Variants in NOX3 observed in about 807,000 individuals in gnomAD.
NOX3 encodes the protein NADPH oxidase 3, also known as NADPH oxidase catalytic subunit-like 3.
In NOX3, 74 loss-of-function variants were observed where a neutral mutation model predicts 76.7. The observed-to-expected ratio is 0.96, with a 90% CI of 0.80 to 1.17. The LOEUF (loss-of-function observed/expected upper bound fraction) is 1.17. Ranked by LOEUF, NOX3 falls within the 50% of genes most tolerant of loss-of-function variation. NOX3 has a pLI of 0.00. For synonymous variants in NOX3, 263 were observed against 261.1 expected (o/e 1.01, Z -0.07); for missense variants, 695 against 703.3 (o/e 0.99, Z 0.13).
rs149564043 is a variant in NOX3, at chr6:155,441,371, T to G, written c.487-1234A>C. Among the ~76,000 whole-genome samples the G allele has an allele frequency of 2.1e-3, 327 of 152,356 alleles. 1 individual carries two copies. The highest frequency in any genetic ancestry group is 3.4e-3 in the Non-Finnish European group (231 of 68,038). ...GGGTATGTCTCAAACATTTAAAATATTTTCTTCTCAAGTACCTTCAGGCAT... is the reference window on the plus strand; with the variant it reads ...GGGTATGTCTCAAACATTTAAAATAGTTTCTTCTCAAGTACCTTCAGGCAT... On this transcript the variant is annotated intron_variant, in intron 5 of 13. Transcript: ENST00000159060.
intron 12 of NOX3, among the ~76,000 whole-genome samples, chr6:155,405,974 C>T (rs1401621171): frequency 6.6e-6 from 1 of 152,200 alleles, no homozygotes; most frequent in Non-Finnish European, 1.5e-5. Context: ...TACAGCATGG[C>T]TCTTGCTGCT....
rs73584271 is a variant in NOX3 at position 155,398,285 on chromosome 6, C to T, written c.1581-1323G>A. On this transcript the variant is annotated intron_variant, in intron 12 of 13. Coordinates refer to ENST00000159060, the MANE Select transcript of NOX3 (RefSeq NM_015718.3). ...CTCGGGTGGTGTTGAGGCAGATCGC[C>T]CTGTGAGCCTCACTTTGAGAAACAC... 8.5e-3 allele frequency among the ~76,000 whole-genome samples: 1,205 copies of T among 141,082 alleles called. 16 individuals are homozygous for T. The highest frequency in any genetic ancestry group is 0.03 in the African/African-American group (1,150 of 38,240). The allele number at this position is 141,082 out of a possible 152,430, so 92.6% of individuals were successfully genotyped here.
intron 6 of NOX3, among the ~76,000 whole-genome samples, chr6:155,438,099 G>A (rs974512333): frequency 3.9e-5 from 6 of 152,098 alleles, no homozygotes; most frequent in South Asian, 2.1e-4. Context: ...TGTGGGGGAC[G>A]TATGTTTAGG....
At chr6:155,421,369 T>C (rs1427078990) in intron 10 of NOX3, among the ~76,000 whole-genome samples, 1 of 152,212 alleles carries the variant, frequency 6.6e-6, no homozygotes, top group Non-Finnish European at 1.5e-5. Flanking sequence ...GTCAAGGACC[T>C]GTCACTTGGA....
intron 4 of NOX3, among the ~76,000 whole-genome samples, chr6:155,447,112 C>G (rs1166302584): frequency 6.6e-6 from 1 of 150,700 alleles, no homozygotes; most frequent in Non-Finnish European, 1.5e-5. Flanking sequence ...ATGGCGCGAT[C>G]TCAGCTAACT....
At chr6:155,407,810 A>G (rs1776483862) in intron 11 of NOX3, among the ~76,000 whole-genome samples, 1 of 152,040 alleles carries the variant, frequency 6.6e-6, no homozygotes, top group African/African-American at 2.4e-5. Context: ...TGGCAGGCGG[A>G]AAATGGTGGC....
At chr6:155,431,012 A>G (rs1776825886) in intron 7 of NOX3, 77 bp from the exon 8 acceptor site, 3 of 901,102 alleles carry the variant, frequency 3.3e-6, no homozygotes, top group East Asian at 2.5e-5. Context: ...AACCAAATCA[A>G]TATACAACAT....
At chr6:155,453,379 C>T (rs368217945) in intron 4 of NOX3, 25 bp downstream of exon 4, 110 of 1,513,706 alleles carry the variant, frequency 7.3e-5, no homozygotes, top group Non-Finnish European at 9.6e-5. Flanking sequence ...TTGTAAAATC[C>T]ATTGAGCAAT....
At chr6:155,443,897 A>G (rs894583189) in intron 4 of NOX3, among the ~76,000 whole-genome samples, 12 of 150,302 alleles carry the variant, frequency 8.0e-5, no homozygotes, top group African/African-American at 2.9e-4. Context: ...TCAGTTCATC[A>G]TAATTTAAAG....
At chr6:155,450,495 C>G (rs1284881453) in intron 4 of NOX3, among the ~76,000 whole-genome samples, 2 of 152,184 alleles carry the variant, frequency 1.3e-5, no homozygotes, top group African/African-American at 4.8e-5. Context: ...TCTTGAGGAC[C>G]TCCTGTGCGC....
chr6:155,450,133 T>C (rs2114709861), intron 4 of NOX3, among the ~76,000 whole-genome samples: 1 of 152,248 alleles, frequency 6.6e-6, no homozygotes, highest in East Asian at 1.9e-4. Flanking sequence ...TTGCTCTGGG[T>C]TGCAGTTCTG....
intron 5 of NOX3, among the ~76,000 whole-genome samples, chr6:155,442,961 T>A (rs1777013026): frequency 1.3e-5 from 2 of 152,152 alleles, no homozygotes. Flanking sequence ...AAATATCTAA[T>A]CCTGAACTGC....
At chr6:155,427,028 T>TGTGTGTGTGCGCGC (rs796489805) in intron 9 of NOX3, among the ~76,000 whole-genome samples, 5 of 121,792 alleles carry the variant, frequency 4.1e-5, no homozygotes, top group African/African-American at 9.9e-5. Context: ...TGTGTGTGTG[T>TGTGTGTGTGCGCGC]GCTGGGGGGG....
At chr6:155,430,680 T>C (rs231956) in intron 8 of NOX3, among the ~76,000 whole-genome samples, 163 bp downstream of exon 8, 73,112 of 151,698 alleles carry the variant, frequency 0.48, 18,026 homozygotes, top group Admixed American at 0.52. Flanking sequence ...GCAAAATTAG[T>C]CACACTAAAA....
chr6:155,429,705 C>T (rs1460103970), intron 8 of NOX3, among the ~76,000 whole-genome samples: 1 of 152,044 alleles, frequency 6.6e-6, no homozygotes, highest in East Asian at 1.9e-4. Flanking sequence ...GCTAATTTCC[C>T]TTCTTAGATT....
At chr6:155,424,335 C>T (rs1472832926) in intron 9 of NOX3, among the ~76,000 whole-genome samples, 4 of 152,108 alleles carry the variant, frequency 2.6e-5, no homozygotes, top group South Asian at 2.1e-4. Flanking sequence ...CCCAGCACTC[C>T]CTGACATGAA....
Position 155,422,829 on chromosome 6 carries a change from A to G in NOX3, c.1173T>C (p.Thr391=), listed in dbSNP as rs1768871247. The change falls in exon 10 of 14, where the codon ACT becomes ACC. Residue 391 remains threonine, a synonymous_variant. Transcript: ENST00000159060. ...GGTAGTGAAATACATCTGTCAGGGCAGTTCCAAAGGGCCCGTCCACTGCCA... is the reference window on the plus strand; with the variant it reads ...GGTAGTGAAATACATCTGTCAGGGCGGTTCCAAAGGGCCCGTCCACTGCCA... ...PRLAVDGPFG[T]ALTDVFHYPV... is the part of the protein sequence containing the mutation. 1 of 1,614,108 alleles carries G rather than the reference A, an allele frequency of 6.2e-7. No homozygotes were observed. The highest frequency in any genetic ancestry group is 1.3e-5 in the African/African-American group (1 of 74,952).
intron 12 of NOX3, among the ~76,000 whole-genome samples, chr6:155,399,930 G>C (rs867582694): frequency 6.6e-5 from 10 of 152,316 alleles, no homozygotes; most frequent in South Asian, 6.2e-4. Context: ...GCACACGCAT[G>C]GGGGAGCTGG....
At chr6:155,438,470 T>G (rs764161186) in intron 6 of NOX3, among the ~76,000 whole-genome samples, 2 of 152,184 alleles carry the variant, frequency 1.3e-5, no homozygotes, top group Non-Finnish European at 2.9e-5. Context: ...AAATGCACCC[T>G]CAGGGGCACT....
Sources: gnomAD v4.1 joint callset for allele counts (sites outside exome capture counted in the v4.1 genomes callset) on GRCh38, gnomAD v4.1.1 for gene constraint, MANE v1.5 for transcripts, NCBI Gene and HGNC (gene_info 2026-07-23, HGNC 2026-07-21) for gene names.